The following WDR59 variants were observed in gnomAD, a reference collection of about 807,000 sequenced individuals.
WDR59 encodes WD repeat domain 59, also known as GATOR2 complex protein WDR59.
In WDR59, 100 loss-of-function variants were observed where a neutral mutation model predicts 131.2. That is an observed-to-expected ratio of 0.76 (90% confidence interval 0.65 to 0.90). The LOEUF (loss-of-function observed/expected upper bound fraction) is 0.90. Among genes scored for constraint, WDR59 ranks in the 40% least tolerant of loss-of-function variants. The pLI is 0.00. For synonymous variants in WDR59, 601 were observed against 466.2 expected (o/e 1.29, Z -3.72); for missense variants, 1,203 against 1,262.2 (o/e 0.95, Z 0.71).
intron 1 of WDR59, among the ~76,000 whole-genome samples, chr16:74,972,292 T>C (rs1305638505): frequency 6.6e-6 from 1 of 152,328 alleles, no homozygotes; most frequent in South Asian, 2.1e-4. Flanking sequence ...TGATGGCTAA[T>C]GAAGGAAATC....
chr16:74,925,182 A>G (rs1250020349), intron 8 of WDR59, among the ~76,000 whole-genome samples: 6 of 152,212 alleles, frequency 3.9e-5, no homozygotes, highest in African/African-American at 1.4e-4. Flanking sequence ...ATTAATTTTT[A>G]AAACAACTTA....
intron 3 of WDR59, among the ~76,000 whole-genome samples, chr16:74,956,033 G>C (rs908811595): frequency 6.6e-6 from 1 of 152,098 alleles, no homozygotes; most frequent in Non-Finnish European, 1.5e-5. Flanking sequence ...CCCAATCAAG[G>C]AAGAATCCCT....
chr16:74,907,466 C>T (rs889241007), intron 17 of WDR59, among the ~76,000 whole-genome samples: 6 of 152,186 alleles, frequency 3.9e-5, no homozygotes, highest in East Asian at 1.9e-4. Context: ...CACTCTCTTT[C>T]GCCTGCCGCC....
At chr16:74,980,675 T>G (rs1307502757) in intron 1 of WDR59, among the ~76,000 whole-genome samples, 3 of 152,076 alleles carry the variant, frequency 2.0e-5, no homozygotes, top group Non-Finnish European at 4.4e-5. Context: ...GTTTTAATTT[T>G]AAAAAATTAT....
intron 6 of WDR59, among the ~76,000 whole-genome samples, chr16:74,945,412 G>C (rs1213661568): frequency 1.3e-5 from 2 of 151,978 alleles, no homozygotes; most frequent in Non-Finnish European, 2.9e-5. Flanking sequence ...GGGAGGCAGA[G>C]CTTGCGGTGA....
At chr16:74,876,311 T>G (rs1234195865) in intron 25 of WDR59, among the ~76,000 whole-genome samples, 1 of 152,242 alleles carries the variant, frequency 6.6e-6, no homozygotes, top group Non-Finnish European at 1.5e-5. Flanking sequence ...TTTTTTATAT[T>G]ATGTACAAAC....
rs1334490563 is a variant in WDR59 at position 74,908,954 on chromosome 16, G to A, written c.1666C>T (p.Pro556Ser). ...GAGYLVYFTR[P>S]MTMHRAVSPT... is the part of the protein sequence containing the mutation. ...GACACCGCCCGATGCATTGTCATGG[G>A]CCTTGTGAAATATACCAGGTAACCT... Residue 556 changes from proline (P) to serine (S), a missense_variant, in exon 17 of 26, where the codon CCC becomes TCC. Pro to Ser is a moderately conservative substitution (Grantham distance 74). Transcript: ENST00000262144. 6.2e-7 allele frequency: 1 copy of A among 1,614,046 alleles called. No homozygotes were observed. Among genetic ancestry groups the A allele is most frequent in the Non-Finnish European group, 8.5e-7 (1 of 1,179,978 alleles).
intron 25 of WDR59, among the ~76,000 whole-genome samples, chr16:74,881,185 C>A (rs1313493571): frequency 6.6e-6 from 1 of 152,102 alleles, no homozygotes; most frequent in Non-Finnish European, 1.5e-5. Flanking sequence ...ATGAATGAAA[C>A]CATGAGCCCC....
intron 8 of WDR59, among the ~76,000 whole-genome samples, chr16:74,935,079 A>T (rs1378948963): frequency 6.6e-6 from 1 of 152,038 alleles, no homozygotes; most frequent in Non-Finnish European, 1.5e-5. Context: ...AAATACAAAA[A>T]TTAGCCTGGC....
intron 7 of WDR59, among the ~76,000 whole-genome samples, chr16:74,940,577 T>G (rs976742766): frequency 1.3e-5 from 2 of 152,218 alleles, no homozygotes; most frequent in Non-Finnish European, 2.9e-5. Context: ...CTGAACTTTG[T>G]GAAGTCTGTA....
In WDR59 at chr16:74,893,646, A is replaced by G. The variant is rs138709939; in HGVS notation, c.2000+33T>C. 8.4e-4 allele frequency: 1,322 copies of G among 1,567,106 alleles called. 12 individuals carry two copies. In the East Asian group the frequency reaches 0.016, roughly 19 times the overall value. ...AAGTTTTGCTAATCCTGGCTAAATGATGAGTGCAGCAGACTTGAAATTTTG... is the reference window on the plus strand; with the variant it reads ...AAGTTTTGCTAATCCTGGCTAAATGGTGAGTGCAGCAGACTTGAAATTTTG... On this transcript the variant is annotated intron_variant, in intron 19 of 25. Coordinates refer to ENST00000262144, the MANE Select transcript of WDR59 (RefSeq NM_030581.4).
chr16:74,904,161 G>C (rs1444281922), intron 17 of WDR59, 61 bp from the exon 18 acceptor site: 1 of 1,560,556 alleles, frequency 6.4e-7, no homozygotes, highest in African/African-American at 1.3e-5. Flanking sequence ...TCCAAGTGGT[G>C]CTATTCTTAG....
chr16:74,908,459 C>T (rs960742911), intron 17 of WDR59, among the ~76,000 whole-genome samples: 4 of 151,960 alleles, frequency 2.6e-5, no homozygotes, highest in Non-Finnish European at 5.9e-5. Context: ...TGTGTTTTCA[C>T]AATGTACTAC....
intron 1 of WDR59, among the ~76,000 whole-genome samples, chr16:74,979,293 T>C (rs576902905): frequency 1.3e-5 from 2 of 151,140 alleles, no homozygotes; most frequent in East Asian, 4.0e-4. Flanking sequence ...TGAAACCCCA[T>C]CTCTACTAAA....
At chr16:74,888,424 G>A in intron 21 of WDR59, 105 bp from the exon 22 acceptor site, 1 of 1,215,238 alleles carries the variant, frequency 8.2e-7, no homozygotes, top group Non-Finnish European at 1.1e-6. Flanking sequence ...GAAGGGAGGA[G>A]TCTTGATTCT....
At chr16:74,885,840 AAC>A in intron 24 of WDR59, 45 bp from the exon 25 acceptor site, 2 of 1,602,308 alleles carry the variant, frequency 1.2e-6, no homozygotes, top group Non-Finnish European at 1.7e-6. Context: ...TTTAAGAAAA[AAC>A]AAGCTTCATC....
At chr16:74,885,448 CAAAAAAAAAAAAAA>C (rs397855343) in intron 25 of WDR59, among the ~76,000 whole-genome samples, 191 bp downstream of exon 25, 7 of 62,374 alleles carry the variant, frequency 1.1e-4, no homozygotes, top group African/African-American at 3.2e-4. Context: ...GATTCCATCT[CAAAAAAAAAAAAAA>C]AAAAAAAAAA....
At chr16:74,968,435 T>C (rs1222326259) in intron 1 of WDR59, among the ~76,000 whole-genome samples, 1 of 151,938 alleles carries the variant, frequency 6.6e-6, no homozygotes, top group Non-Finnish European at 1.5e-5. Flanking sequence ...AGATGCTAAA[T>C]ATGGACCGGG....
intron 7 of WDR59, among the ~76,000 whole-genome samples, chr16:74,939,149 G>A (rs561904721): frequency 3.3e-5 from 5 of 151,358 alleles, no homozygotes; most frequent in African/African-American, 9.7e-5. Flanking sequence ...CCAACATGGT[G>A]AAGCTGGTCT....
Sources: allele counts gnomAD v4.1 joint callset (sites outside exome capture counted in the v4.1 genomes callset), GRCh38; gene constraint gnomAD v4.1.1; transcripts MANE v1.5; gene names NCBI Gene and HGNC (gene_info 2026-07-23, HGNC 2026-07-21).